Variants in WWP2 observed in about 807,000 individuals in gnomAD.
The protein encoded by WWP2 is WW domain containing E3 ubiquitin protein ligase 2.
WWP2 carries 57 observed loss-of-function variants against 121.0 expected under a neutral mutation model. The observed-to-expected ratio is 0.47, with a 90% CI of 0.38 to 0.59. The LOEUF (loss-of-function observed/expected upper bound fraction) is 0.59, where lower values mean the gene tolerates loss of function less well. Ranked by LOEUF, WWP2 falls within the 20% of genes least tolerant of loss-of-function variation. WWP2 has a pLI of 0.00. For missense variants in WWP2, 962 were observed against 1,158.9 expected, an observed-to-expected ratio of 0.83 and a Z score of 2.47; for synonymous variants, 449 against 441.3, an observed-to-expected ratio of 1.02 and a Z score of -0.22.
In WWP2 at chr16:69,821,513, G is replaced by A. The variant is rs2056592301; in HGVS notation, c.341-18613G>A. 2.0e-5 allele frequency among the ~76,000 whole-genome samples: 3 copies of A among 152,170 alleles called. No homozygotes were observed. In the South Asian group the frequency reaches 6.2e-4, roughly 32 times the overall value. On this transcript the variant is annotated intron_variant, in intron 4 of 23. Transcript: ENST00000359154. ...TTCCCTTCCCCTGGTCCAGGCTGCT[G>A]CCTCCAGAGTGTTCTGTGAGGTGTC...
At chr16:69,901,890 A>G (rs976322160) in intron 8 of WWP2, among the ~76,000 whole-genome samples, 4 of 152,158 alleles carry the variant, frequency 2.6e-5, no homozygotes, top group African/African-American at 7.2e-5. Flanking sequence ...GATGGAGGTT[A>G]CAGTGAGTTG....
chr16:69,800,981 T>C (rs1298086851), intron 4 of WWP2, among the ~76,000 whole-genome samples: 2 of 147,828 alleles, frequency 1.4e-5, no homozygotes, highest in Non-Finnish European at 3.0e-5. Flanking sequence ...AGGTCAGGAG[T>C]TCGTGACCAG....
In WWP2 at chr16:69,778,344, T is replaced by A. The variant is rs1485946904; in HGVS notation, c.-15-8652T>A. Among the ~76,000 whole-genome samples, 4 of 151,980 alleles carry A rather than the reference T, an allele frequency of 2.6e-5. No individual in the cohort carries two copies. In the East Asian group the frequency reaches 7.7e-4, roughly 29 times the overall value. On this transcript the variant is annotated intron_variant, in intron 1 of 23. Coordinates refer to ENST00000359154, the MANE Select transcript of WWP2 (RefSeq NM_001270454.2). ...TAACCTTTAGTTATATTTTAAACAT[T>A]GACCCCCTTCTCCCTCTTCCAGCAA...
chr16:69,869,180 G>A (rs55897481), intron 6 of WWP2, among the ~76,000 whole-genome samples: 7,818 of 152,162 alleles, frequency 0.051, 267 homozygotes, highest in Middle Eastern at 0.11. Flanking sequence ...GAGCCACTGT[G>A]TGCGGCCAAC....
chr16:69,889,289 T>C (rs548191966), intron 8 of WWP2, among the ~76,000 whole-genome samples: 6 of 152,298 alleles, frequency 3.9e-5, no homozygotes, highest in South Asian at 4.1e-4. Flanking sequence ...CACACCACTG[T>C]ACCCCAGCCT....
intron 10 of WWP2, among the ~76,000 whole-genome samples, chr16:69,918,517 G>A (rs1284838314): frequency 1.3e-5 from 2 of 152,234 alleles, no homozygotes; most frequent in African/African-American, 4.8e-5. Context: ...GTAGAGTTAA[G>A]TATCACAATA....
intron 6 of WWP2, among the ~76,000 whole-genome samples, chr16:69,869,933 A>G (rs2057602540): frequency 6.6e-6 from 1 of 152,180 alleles, no homozygotes; most frequent in Non-Finnish European, 1.5e-5. Flanking sequence ...CCAATGGGGA[A>G]CTTTCTATTA....
At chr16:69,768,298 C>A (rs570378386) in intron 1 of WWP2, among the ~76,000 whole-genome samples, 114 of 152,276 alleles carry the variant, frequency 7.5e-4, no homozygotes, top group Non-Finnish European at 1.2e-3. Flanking sequence ...TAAATCATTA[C>A]TACTAATAAT....
chr16:69,901,116 T>A (rs1354687844), intron 8 of WWP2, among the ~76,000 whole-genome samples: 1 of 152,154 alleles, frequency 6.6e-6, no homozygotes, highest in Non-Finnish European at 1.5e-5. Context: ...GCAGACAGAT[T>A]GCTGACTCAT....
intron 1 of WWP2, among the ~76,000 whole-genome samples, chr16:69,776,693 TGG>T (rs1470091171): frequency 2.6e-5 from 4 of 152,280 alleles, no homozygotes; most frequent in Middle Eastern, 6.8e-3. Context: ...CTGGGCGTGG[TGG>T]TGCATGCCTG....
chr16:69,922,377 T>G (rs1012264322), intron 10 of WWP2, among the ~76,000 whole-genome samples: 1 of 152,366 alleles, frequency 6.6e-6, no homozygotes, highest in South Asian at 2.1e-4. Context: ...TTACTGGAAC[T>G]TTGTGCTTAG....
intron 6 of WWP2, among the ~76,000 whole-genome samples, chr16:69,861,053 C>G (rs1189623632): frequency 2.0e-5 from 3 of 152,148 alleles, no homozygotes; most frequent in Non-Finnish European, 2.9e-5. Flanking sequence ...GGGGGCCAGC[C>G]CCATGGAGAT....
chr16:69,884,702 T>G (rs2057892716), intron 7 of WWP2, among the ~76,000 whole-genome samples: 1 of 152,176 alleles, frequency 6.6e-6, no homozygotes, highest in Non-Finnish European at 1.5e-5. Context: ...TAAAGATTCT[T>G]AAACAAAATG....
chr16:69,843,266 A>G (rs182800017), intron 6 of WWP2, among the ~76,000 whole-genome samples: 152 of 152,136 alleles, frequency 1.0e-3, no homozygotes, highest in African/African-American at 3.3e-3. Flanking sequence ...TTAGAGTCCA[A>G]ATATTATACT....
intron 6 of WWP2, among the ~76,000 whole-genome samples, chr16:69,861,556 C>A (rs367888949): frequency 6.6e-6 from 1 of 151,890 alleles, no homozygotes; most frequent in Non-Finnish European, 1.5e-5. Context: ...GGAATGGAGC[C>A]GTAAATTGCG....
intron 8 of WWP2, among the ~76,000 whole-genome samples, chr16:69,892,212 T>C (rs531141241): frequency 6.6e-6 from 1 of 152,318 alleles, no homozygotes; most frequent in East Asian, 1.9e-4. Context: ...AATTATACTT[T>C]AAGTTCTGGG....
intron 6 of WWP2, among the ~76,000 whole-genome samples, chr16:69,847,345 A>G (rs937252627): frequency 2.0e-5 from 3 of 151,192 alleles, no homozygotes; most frequent in Non-Finnish European, 4.4e-5. Flanking sequence ...TTGGCCTCCC[A>G]AAGTGCTGGG....
At chr16:69,842,923 C>A (rs1402317130) in intron 6 of WWP2, among the ~76,000 whole-genome samples, 3 of 152,108 alleles carry the variant, frequency 2.0e-5, no homozygotes, top group Non-Finnish European at 4.4e-5. Flanking sequence ...CCTGTCCTGG[C>A]CTCCCAAACT....
chr16:69,885,317 G>A (rs1263671685), intron 7 of WWP2, among the ~76,000 whole-genome samples: 1 of 152,146 alleles, frequency 6.6e-6, no homozygotes, highest in Non-Finnish European at 1.5e-5. Context: ...GCTTGCCTGA[G>A]ATAGAATAGG....
Sources: allele counts gnomAD v4.1 joint callset (sites outside exome capture counted in the v4.1 genomes callset), GRCh38; gene constraint gnomAD v4.1.1; transcripts MANE v1.5; gene names NCBI Gene and HGNC (gene_info 2026-07-23, HGNC 2026-07-21).